The following VPS8 variants were observed in gnomAD, a reference collection of about 807,000 sequenced individuals.
The protein encoded by VPS8 is VPS8 subunit of CORVET complex, also known as vacuolar protein sorting-associated protein 8 homolog.
A neutral mutation model predicts 216.4 loss-of-function variants in VPS8; 129 were observed. That is an observed-to-expected ratio of 0.60 (90% CI 0.52 to 0.69). The LOEUF (loss-of-function observed/expected upper bound fraction) is 0.69, where lower values mean the gene tolerates loss of function less well. VPS8 is among the 30% of genes least tolerant of loss of function. The pLI is 0.00. For synonymous variants in VPS8, 571 were observed against 565.4 expected (o/e 1.01, Z -0.14); for missense variants, 1,531 against 1,683.5 (o/e 0.91, Z 1.59).
At chr3:184,820,639 T>TA (rs138894618) in intron 1 of VPS8, among the ~76,000 whole-genome samples, 11,076 of 152,066 alleles carry the variant, frequency 0.073, 479 homozygotes, top group Non-Finnish European at 0.093. Context: ...ACTCTCCTTT[T>TA]AAAAAAAATT....
intron 35 of VPS8, among the ~76,000 whole-genome samples, chr3:184,938,322 T>G (rs1378588904): frequency 1.3e-5 from 2 of 152,202 alleles, no homozygotes; most frequent in Non-Finnish European, 2.9e-5. Flanking sequence ...CCAAAAACAT[T>G]AAGTGCTGAG....
intron 16 of VPS8, among the ~76,000 whole-genome samples, chr3:184,863,273 C>A (rs1214055534): frequency 1.3e-5 from 2 of 152,086 alleles, no homozygotes; most frequent in Admixed American, 1.3e-4. Flanking sequence ...TTCTTCCCTT[C>A]TATTCAGAAA....
chr3:184,840,718 A>AG (rs1263821407), intron 7 of VPS8, among the ~76,000 whole-genome samples: 1 of 152,000 alleles, frequency 6.6e-6, no homozygotes, highest in Non-Finnish European at 1.5e-5. Context: ...CCTCAAAAAA[A>AG]TAATAATAAT....
chr3:184,949,196 C>G (rs192409982), intron 36 of VPS8, among the ~76,000 whole-genome samples: 1 of 151,986 alleles, frequency 6.6e-6, no homozygotes, highest in South Asian at 2.1e-4. Flanking sequence ...ACTTGGGAGG[C>G]TGATGTGAGA....
At chr3:184,829,514 C>T (rs1315550339) in intron 3 of VPS8, among the ~76,000 whole-genome samples, 1 of 152,170 alleles carries the variant, frequency 6.6e-6, no homozygotes. Context: ...CTGTGCCCAG[C>T]TTTATACACA....
chr3:184,906,015 G>A (rs1735425169), intron 25 of VPS8, among the ~76,000 whole-genome samples: 1 of 152,034 alleles, frequency 6.6e-6, no homozygotes, highest in Non-Finnish European at 1.5e-5. Flanking sequence ...CCCTTTGGAA[G>A]CTCAGCTTTT....
At position 184,894,819 on chromosome 3, in the gene VPS8, C is replaced by T. The variant is rs1372863278; in HGVS notation, c.1898C>T (p.Pro633Leu). ...AGTGATAAATTGGTGGGAATCACAC[C>T]CCAAGTAATGAAAGACTTGATTGTT... ...ILSDKLVGIT[P>L]QVMKDLIVHF... The change falls in exon 23 of 48, where the codon CCC (proline) becomes CTC (leucine). Residue 633 changes from proline to leucine, a missense_variant. Physicochemically the swap from Pro to Leu is moderately conservative, Grantham distance 98. Around this residue, in one of 3 missense-constraint regions of VPS8, gnomAD observed 1,318 missense variants for 1,468.4 expected, o/e 0.90. Transcript: ENST00000625842. The T allele has an allele frequency of 8.1e-6, 13 of 1,610,078 alleles. No homozygotes were observed. Among genetic ancestry groups the T allele is most frequent in the Non-Finnish European group, 1.0e-5 (12 of 1,178,162 alleles).
chr3:184,910,128 A>ATT (rs10707371), intron 25 of VPS8, among the ~76,000 whole-genome samples: 1,643 of 87,176 alleles, frequency 0.019, 37 homozygotes, highest in African/African-American at 0.034. Flanking sequence ...AGATTCTCCT[A>ATT]TTTTTTTTTT....
chr3:184,880,465 G>A (rs1387172546), intron 21 of VPS8, among the ~76,000 whole-genome samples: 1 of 152,126 alleles, frequency 6.6e-6, no homozygotes, highest in African/African-American at 2.4e-5. Flanking sequence ...ATTCCTTAGT[G>A]ATTCACCCAG....
At chr3:184,900,830 A>C in intron 24 of VPS8, 91 bp from the exon 25 acceptor site, 2 of 1,084,572 alleles carry the variant, frequency 1.8e-6, no homozygotes, top group Non-Finnish European at 2.7e-6. Flanking sequence ...TAATTCCATT[A>C]GCGAATGGTG....
chr3:184,836,395 T>A (rs1455768680), intron 5 of VPS8: 1 of 439,296 alleles, frequency 2.3e-6, no homozygotes, highest in Non-Finnish European at 4.5e-6. Context: ...GACCCACCTG[T>A]GCAGTTTTAA....
intron 21 of VPS8, among the ~76,000 whole-genome samples, chr3:184,872,959 A>G (rs76657279): frequency 0.018 from 2,795 of 152,268 alleles, 95 homozygotes; most frequent in African/African-American, 0.064. Flanking sequence ...AACTAAAGAT[A>G]CATACCAGAA....
rs368279984 is a variant in VPS8 at position 184,847,905 on chromosome 3, TTTTGTTTG to T, written c.542-1150_542-1143del. ...ATTTGAATTGCTTGCTTTTAGCATA[TTTTGTTTG>T]TTTGTTTGTTTGTTTTTGAGATGGA... On this transcript the variant is annotated intron_variant, in intron 8 of 47. Transcript: ENST00000625842. Among the ~76,000 whole-genome samples the T allele has an allele frequency of 4.9e-4, 74 of 152,234 alleles. 1 individual carries two copies. The highest frequency in any genetic ancestry group is 2.1e-3 in the South Asian group (10 of 4,824).
intron 46 of VPS8, among the ~76,000 whole-genome samples, chr3:185,034,445 A>C (rs1252724780): frequency 1.3e-5 from 2 of 152,186 alleles, no homozygotes; most frequent in Middle Eastern, 3.2e-3. Context: ...TCTTCTTTTG[A>C]GAAATGTCTG....
chr3:184,926,763 C>T (rs752734240), intron 31 of VPS8, 113 bp downstream of exon 31: 3 of 1,040,744 alleles, frequency 2.9e-6, no homozygotes, highest in African/African-American at 3.3e-5. Flanking sequence ...TGTGCCAAAC[C>T]CTAATACGAA....
intron 42 of VPS8, among the ~76,000 whole-genome samples, chr3:184,991,790 A>G (rs554705086): frequency 6.6e-5 from 10 of 152,186 alleles, no homozygotes; most frequent in Non-Finnish European, 1.3e-4. Context: ...AAAAATGTGC[A>G]GTGGGTATAT....
intron 45 of VPS8, among the ~76,000 whole-genome samples, chr3:185,020,020 A>G (rs1205628256): frequency 6.6e-6 from 1 of 152,254 alleles, no homozygotes; most frequent in Admixed American, 6.5e-5. Context: ...TTACCTGAAG[A>G]AAAAGTAGTA....
At chr3:184,819,826 A>G (rs142406468) in intron 1 of VPS8, among the ~76,000 whole-genome samples, 11 of 152,360 alleles carry the variant, frequency 7.2e-5, no homozygotes, top group Non-Finnish European at 7.3e-5. Flanking sequence ...CTTACTGATA[A>G]CATTAACAGT....
At chr3:184,952,538 T>C (rs62289467) in intron 36 of VPS8, among the ~76,000 whole-genome samples, 3 of 151,924 alleles carry the variant, frequency 2.0e-5, no homozygotes, top group African/African-American at 4.8e-5. Context: ...AAATAAGCAG[T>C]TCAAGGGAGG....
Sources: gnomAD v4.1 joint callset for allele counts (sites outside exome capture counted in the v4.1 genomes callset) on GRCh38, gnomAD v4.1.1 for gene constraint, gnomAD v4.1.1 regional missense constraint, MANE v1.5 for transcripts, NCBI Gene and HGNC (gene_info 2026-07-23, HGNC 2026-07-21) for gene names.